The following TULP2 variants were observed in gnomAD, a reference collection of about 807,000 sequenced individuals.
TULP2 encodes the protein tubby-related protein 2.
TULP2 carries 64 observed loss-of-function variants against 60.3 expected under a neutral mutation model. The observed-to-expected ratio is 1.06, with a 90% CI of 0.87 to 1.31. TULP2 has a LOEUF of 1.31. TULP2 is among the 50% of genes most tolerant of loss of function. TULP2 has a pLI of 0.00. For missense variants in TULP2, 652 were observed against 667.0 expected (o/e 0.98, Z 0.25); for synonymous variants, 267 against 265.4 (o/e 1.01, Z -0.06).
intron 4 of TULP2, 130 bp downstream of exon 4, chr19:48,896,300 G>A: frequency 7.5e-7 from 1 of 1,332,380 alleles, no homozygotes; most frequent in Non-Finnish European, 1.0e-6. Flanking sequence ...GCTCTCCTGG[G>A]CCAAGGCCCG....
At chr19:48,896,724 TCCACC>T in intron 3 of TULP2, 168 bp from the exon 4 acceptor site, 1 of 769,204 alleles carries the variant, frequency 1.3e-6, no homozygotes, top group Non-Finnish European at 2.0e-6. Context: ...CCTCCCTTAT[TCCACC>T]GTTGGACTCA....
Position 48,897,461 on chromosome 19 carries a change from C to G in TULP2, c.33-65G>C. 1 of 1,543,672 alleles carries G rather than the reference C, an allele frequency of 6.5e-7. No individual in the cohort carries two copies. Among genetic ancestry groups the G allele is most frequent in the Non-Finnish European group, 8.9e-7 (1 of 1,124,848 alleles). On this transcript the variant is annotated intron_variant, in intron 2 of 12. Coordinates refer to ENST00000221399, the MANE Select transcript of TULP2 (RefSeq NM_003323.3). The surrounding 1 kb of genome is among the most constrained non-coding windows in gnomAD (Gnocchi z 4.0). ...ACCTCGGTTGCCCAAGAGAGTCCCT[C>G]CTTCCCCCATCCTGCCCCTATCTCA...
At chr19:48,894,501 C>T (rs1273721601) in intron 6 of TULP2, among the ~76,000 whole-genome samples, 4 of 151,810 alleles carry the variant, frequency 2.6e-5, no homozygotes, top group Admixed American at 1.3e-4. Flanking sequence ...ATTAGCTGGG[C>T]GTGGTGATGC....
rs1319339963 is a variant in TULP2 at position 48,882,096 on chromosome 19, G to C, written c.1383C>G (p.Leu461=). The change falls in exon 12 of 13, where the codon CTC becomes CTG. Residue 461 remains leucine, a synonymous_variant. Transcript: ENST00000221399. The part of the protein sequence containing the change: ...SWDKENGVYT[L]NFHGRVTRAS... ...CCCGAGTGACTCGACCATGGAAATT[G>C]AGCGTGTAGACACCGTTCTCCTTGT... 1.9e-6 allele frequency: 3 copies of C among 1,614,220 alleles called. No individual in the cohort carries two copies. The highest frequency in any genetic ancestry group is 2.7e-5 in the African/African-American group (2 of 75,060).
intron 4 of TULP2, among the ~76,000 whole-genome samples, 153 bp downstream of exon 4, chr19:48,896,277 G>A (rs1324240899): frequency 6.6e-6 from 1 of 152,128 alleles, no homozygotes; most frequent in Non-Finnish European, 1.5e-5. Context: ...GCGCCCACAG[G>A]CCCTGTTCTA....
intron 6 of TULP2, 45 bp downstream of exon 6, chr19:48,894,953 T>A: frequency 6.4e-7 from 1 of 1,574,284 alleles, no homozygotes. Context: ...ATTTGCTGCA[T>A]GAACCAGGAG....
At chr19:48,889,678 G>A (rs752905371) in intron 6 of TULP2, 47 bp from the exon 7 acceptor site, 7 of 1,504,212 alleles carry the variant, frequency 4.7e-6, no homozygotes, top group South Asian at 1.2e-5. Flanking sequence ...CTGTGTCTGT[G>A]TAGAAAGAAG....
chr19:48,890,749 T>C (rs1204502641), intron 6 of TULP2, among the ~76,000 whole-genome samples: 2 of 151,966 alleles, frequency 1.3e-5, no homozygotes, highest in Non-Finnish European at 2.9e-5. Flanking sequence ...AACAACCTCC[T>C]CCTCCTCCAG....
intron 6 of TULP2, among the ~76,000 whole-genome samples, chr19:48,893,011 G>A (rs1164246646): frequency 2.0e-5 from 3 of 152,044 alleles, no homozygotes; most frequent in Non-Finnish European, 2.9e-5. Flanking sequence ...GGGAAGCCAA[G>A]GTGAGAGGAT....
intron 7 of TULP2, among the ~76,000 whole-genome samples, chr19:48,889,269 C>G (rs764329967): frequency 1.6e-4 from 25 of 152,186 alleles, no homozygotes; most frequent in Non-Finnish European, 3.2e-4. Flanking sequence ...AGCCACCATA[C>G]CATAAGCTGT....
At chr19:48,884,862 TTTATGTAGC>T (rs898597254) in intron 9 of TULP2, among the ~76,000 whole-genome samples, 5 of 151,594 alleles carry the variant, frequency 3.3e-5, no homozygotes, top group African/African-American at 4.9e-5. Context: ...AGCCATGTAC[TTTATGTAGC>T]CTCCCTATTT....
intron 6 of TULP2, among the ~76,000 whole-genome samples, chr19:48,890,334 A>C (rs1175347445): frequency 6.6e-6 from 1 of 151,764 alleles, no homozygotes; most frequent in Non-Finnish European, 1.5e-5. Flanking sequence ...TGATGCAAAG[A>C]CCTTTGTTCA....
At chr19:48,883,214 G>C (rs1478004389) in intron 11 of TULP2, among the ~76,000 whole-genome samples, 1 of 146,004 alleles carries the variant, frequency 6.8e-6, no homozygotes, top group East Asian at 2.0e-4. Context: ...GCAAGACTCT[G>C]TCTCAAAAAA....
intron 11 of TULP2, among the ~76,000 whole-genome samples, chr19:48,882,464 T>G (rs1327682130): frequency 6.6e-6 from 1 of 152,162 alleles, no homozygotes; most frequent in South Asian, 2.1e-4. Context: ...TGAGCATAAA[T>G]TTAATTTCCT....
intron 9 of TULP2, 113 bp from the exon 10 acceptor site, chr19:48,884,159 G>A: frequency 8.5e-6 from 7 of 823,446 alleles, no homozygotes; most frequent in South Asian, 1.7e-5. Context: ...GACTATGTCC[G>A]AATGTCTAAG....
intron 12 of TULP2, among the ~76,000 whole-genome samples, chr19:48,881,343 A>T (rs1276673741): frequency 6.9e-6 from 1 of 145,380 alleles, no homozygotes; most frequent in African/African-American, 2.6e-5. Context: ...CCAAGTAGCT[A>T]GGATTACAGG....
intron 12 of TULP2, among the ~76,000 whole-genome samples, chr19:48,881,648 C>G (rs1409328710): frequency 1.3e-5 from 2 of 151,956 alleles, no homozygotes; most frequent in Non-Finnish European, 2.9e-5. Context: ...TCCCAAAGTG[C>G]TGGGATTACA....
intron 4 of TULP2, 67 bp downstream of exon 4, chr19:48,896,363 G>GGCCCC: frequency 6.7e-7 from 1 of 1,503,338 alleles, no homozygotes; most frequent in Non-Finnish European, 8.8e-7. Context: ...TCATCCACTA[G>GGCCCC]GCCCCGCCCA....
chr19:48,885,510 G>A lies in TULP2; in HGVS notation c.999C>T (p.Tyr333=). 1 of 1,614,004 alleles carries A rather than the reference G, an allele frequency of 6.2e-7. No individual in the cohort carries two copies. Among genetic ancestry groups the A allele is most frequent in the Non-Finnish European group, 8.5e-7 (1 of 1,179,952 alleles). ...GGTGTGTAGGATCCAGGGAGATGAG[G>A]TAATTAGAAGTTTTGCTCCTTCTTC... is the stretch of plus-strand genomic sequence containing the variant. ...RKRRRSKTSN[Y]LISLDPTHLS... The change falls in exon 9 of 13, where the codon TAC becomes TAT. Residue 333 remains tyrosine, a synonymous_variant. Coordinates refer to ENST00000221399, the MANE Select transcript of TULP2 (RefSeq NM_003323.3).
Sources: allele counts gnomAD v4.1 joint callset (sites outside exome capture counted in the v4.1 genomes callset), GRCh38; gene constraint gnomAD v4.1.1; non-coding constraint Gnocchi (gnomAD v3.1); transcripts MANE v1.5; gene names NCBI Gene and HGNC (gene_info 2026-07-23, HGNC 2026-07-21).